The following CDH12 variants were observed in gnomAD, a reference collection of about 807,000 sequenced individuals.
The protein encoded by CDH12 is cadherin 12, also known as cadherin-12.
In CDH12, 41 loss-of-function variants were observed where a neutral mutation model predicts 74.1. The observed-to-expected ratio is 0.55, with a 90% CI of 0.43 to 0.72. The LOEUF (loss-of-function observed/expected upper bound fraction) is 0.72, where lower values mean the gene tolerates loss of function less well. Among genes scored for constraint, CDH12 ranks in the 30% least tolerant of loss-of-function variants. The pLI, the probability that CDH12 is intolerant of heterozygous loss-of-function variation, is 0.00. For synonymous variants in CDH12, 399 were observed against 355.0 expected (o/e 1.12, Z -1.39); for missense variants, 945 against 977.2 (o/e 0.97, Z 0.44).
At chr5:22,028,860 T>G (rs1254532734) in intron 5 of CDH12, among the ~76,000 whole-genome samples, 3 of 152,132 alleles carry the variant, frequency 2.0e-5, no homozygotes, top group Non-Finnish European at 4.4e-5. Context: ...CACTTCAAAC[T>G]ATACTACAAG....
chr5:21,833,251 A>ATTATATAACATATAATATATATTATG (rs1749265907), intron 8 of CDH12, among the ~76,000 whole-genome samples: 1 of 13,218 alleles, frequency 7.6e-5, no homozygotes, highest in Admixed American at 1.7e-3. Context: ...TATATTATAT[A>ATTATATAACATATAATATATATTATG]TTATATAACA....
chr5:22,239,183 T>A (rs930542364), intron 3 of CDH12, among the ~76,000 whole-genome samples: 2 of 152,196 alleles, frequency 1.3e-5, no homozygotes, highest in African/African-American at 4.8e-5. Context: ...AGGAAAGGAA[T>A]GCTTACTTCT....
At chr5:22,814,662 T>C (rs1052822966) in intron 1 of CDH12, among the ~76,000 whole-genome samples, 7 of 152,202 alleles carry the variant, frequency 4.6e-5, no homozygotes, top group African/African-American at 1.7e-4. Flanking sequence ...TAGCTAAGTA[T>C]AATTATGTTC....
chr5:22,668,630 A>T (rs1000416752), intron 1 of CDH12, among the ~76,000 whole-genome samples: 1 of 152,076 alleles, frequency 6.6e-6, no homozygotes, highest in African/African-American at 2.4e-5. Flanking sequence ...TTTTAAAGTC[A>T]TCAGTCTCTC....
intron 4 of CDH12, chr5:22,141,324 T>C (rs1421189761): frequency 1.3e-5 from 2 of 152,208 alleles, no homozygotes. Context: ...ATACTATCTA[T>C]GTGAGTAGTT....
intron 3 of CDH12, among the ~76,000 whole-genome samples, chr5:22,345,919 C>T (rs556627047): frequency 1.1e-4 from 16 of 152,024 alleles, no homozygotes; most frequent in Admixed American, 4.6e-4. Flanking sequence ...GCCTGGCAAA[C>T]GTAGTGAAAT....
At chr5:22,144,992 G>A (rs900794779) in intron 4 of CDH12, among the ~76,000 whole-genome samples, 5 of 152,064 alleles carry the variant, frequency 3.3e-5, no homozygotes, top group African/African-American at 1.2e-4. Context: ...ATTATAAAAA[G>A]GGGACTACAA....
chr5:21,802,246 C>T lies in CDH12; in HGVS notation c.1177G>A (p.Val393Ile). ...GTCCCTACCGGAGTGTCTTCATAAA[C>T]CTCCATGGTGTAGAGCGGCTTGCTG... is the stretch of plus-strand genomic sequence containing the variant. ...VFSKPLYTME[V>I]YEDTPVGTII... The change falls in exon 10 of 15, where the codon GTT becomes ATT. Residue 393 changes from valine (V) to isoleucine (I), a missense_variant. By Grantham distance (29) the Val-to-Ile change is conservative. Transcript: ENST00000382254. The T allele has an allele frequency of 6.2e-7, 1 of 1,613,896 alleles. No homozygotes were observed. The highest frequency in any genetic ancestry group is 8.5e-7 in the Non-Finnish European group (1 of 1,179,936).
At chr5:22,501,214 A>C (rs1053095544) in intron 2 of CDH12, among the ~76,000 whole-genome samples, 2 of 152,200 alleles carry the variant, frequency 1.3e-5, no homozygotes, top group African/African-American at 4.8e-5. Context: ...AATGCATGTA[A>C]ATGACCTTTG....
chr5:22,184,199 T>C (rs995351422), intron 4 of CDH12, among the ~76,000 whole-genome samples: 1 of 152,106 alleles, frequency 6.6e-6, no homozygotes, highest in African/African-American at 2.4e-5. Context: ...ACTAAGACAA[T>C]AAATCCAAAG....
At chr5:21,995,816 TA>T (rs1391605905) in intron 5 of CDH12, among the ~76,000 whole-genome samples, 2 of 151,634 alleles carry the variant, frequency 1.3e-5, no homozygotes, top group African/African-American at 4.8e-5. Context: ...GCTGATTGCA[TA>T]AAAAAAAGCC....
chr5:22,223,742 G>T (rs560853760), intron 3 of CDH12, among the ~76,000 whole-genome samples: 1 of 152,072 alleles, frequency 6.6e-6, no homozygotes, highest in African/African-American at 2.4e-5. Context: ...AGCATCATTA[G>T]TGTAGGAGAG....
At chr5:21,946,875 A>C (rs1755601608) in intron 6 of CDH12, among the ~76,000 whole-genome samples, 1 of 152,188 alleles carries the variant, frequency 6.6e-6, no homozygotes, top group Non-Finnish European at 1.5e-5. Flanking sequence ...GCCCCACCCA[A>C]ATCTCATCTT....
chr5:22,654,370 A>T (rs1739913132), intron 1 of CDH12, among the ~76,000 whole-genome samples: 1 of 151,514 alleles, frequency 6.6e-6, no homozygotes, highest in Admixed American at 6.6e-5. Context: ...GCTCACTGCA[A>T]CCTCTGACTC....
intron 5 of CDH12, among the ~76,000 whole-genome samples, chr5:21,992,740 A>T (rs1374503947): frequency 6.6e-6 from 1 of 152,182 alleles, no homozygotes; most frequent in Non-Finnish European, 1.5e-5. Flanking sequence ...GACAGAACTT[A>T]TAAACGGAAT....
chr5:22,086,928 T>C (rs1218178130), intron 4 of CDH12, among the ~76,000 whole-genome samples: 2 of 152,170 alleles, frequency 1.3e-5, no homozygotes, highest in Non-Finnish European at 2.9e-5. Context: ...TTTACCTCTG[T>C]GGTCTTTCAC....
chr5:22,638,376 G>A (rs1471381335), intron 1 of CDH12, among the ~76,000 whole-genome samples: 1 of 152,118 alleles, frequency 6.6e-6, no homozygotes, highest in Non-Finnish European at 1.5e-5. Flanking sequence ...CCCAGAGTCC[G>A]AAAGCTGAAA....
intron 1 of CDH12, among the ~76,000 whole-genome samples, chr5:22,825,970 T>G (rs980483008): frequency 4.6e-5 from 7 of 152,222 alleles, no homozygotes; most frequent in Non-Finnish European, 1.0e-4. Context: ...ATTAGTGGAA[T>G]AACCAGTAAG....
At chr5:22,689,579 T>C (rs1207393735) in intron 1 of CDH12, among the ~76,000 whole-genome samples, 1 of 151,192 alleles carries the variant, frequency 6.6e-6, no homozygotes, top group Non-Finnish European at 1.5e-5. Flanking sequence ...GTTTCAAAAG[T>C]ATTTATTCCT....
Sources: allele counts gnomAD v4.1 joint callset (sites outside exome capture counted in the v4.1 genomes callset), GRCh38; gene constraint gnomAD v4.1.1; transcripts MANE v1.5; gene names NCBI Gene and HGNC (gene_info 2026-07-23, HGNC 2026-07-21).